The following CNTN4 variants were observed in gnomAD, a reference collection of about 807,000 sequenced individuals.
The protein encoded by CNTN4 is contactin 4, also known as contactin-4.
A neutral mutation model predicts 122.5 loss-of-function variants in CNTN4; 77 were observed. The ratio of observed to expected loss-of-function variants is 0.63; its 90% CI spans 0.52 to 0.76. The LOEUF is 0.76. CNTN4 is among the 30% of genes least tolerant of loss of function. The pLI is 0.00. For synonymous variants in CNTN4, 512 were observed against 447.0 expected (o/e 1.15, Z -1.83); for missense variants, 1,256 against 1,259.1 (o/e 1.00, Z 0.04).
chr3:3,038,410 G>A (rs926440700), intron 18 of CNTN4, among the ~76,000 whole-genome samples: 3 of 152,006 alleles, frequency 2.0e-5, no homozygotes, highest in Non-Finnish European at 2.9e-5. Context: ...GAAGCCATTC[G>A]CCCACCCCAG....
chr3:2,824,231 G>A (rs930878240), intron 7 of CNTN4, among the ~76,000 whole-genome samples: 11 of 151,864 alleles, frequency 7.2e-5, no homozygotes, highest in African/African-American at 2.4e-4. Flanking sequence ...GGAGGCCGAG[G>A]CAGGTGGATC....
chr3:2,255,757 A>C (rs1027596818), intron 2 of CNTN4, among the ~76,000 whole-genome samples: 4 of 152,206 alleles, frequency 2.6e-5, no homozygotes, highest in African/African-American at 9.6e-5. Flanking sequence ...AAAGACACTT[A>C]TGTACCAGAA....
chr3:2,677,293 A>G (rs971702588), intron 4 of CNTN4, among the ~76,000 whole-genome samples: 3 of 150,298 alleles, frequency 2.0e-5, no homozygotes, highest in Non-Finnish European at 4.4e-5. Context: ...AACACCAGAC[A>G]TCCAGTGAAT....
intron 12 of CNTN4, among the ~76,000 whole-genome samples, chr3:2,914,573 T>G (rs779269205): frequency 5.9e-5 from 9 of 152,328 alleles, no homozygotes; most frequent in Non-Finnish European, 1.2e-4. Context: ...TACAACTGCT[T>G]AAGACTGAGT....
At chr3:2,397,757 G>C (rs1020883240) in intron 3 of CNTN4, among the ~76,000 whole-genome samples, 8 of 152,254 alleles carry the variant, frequency 5.3e-5, no homozygotes, top group African/African-American at 1.9e-4. Context: ...CACTAACTTA[G>C]CCATTCTAAG....
At chr3:2,361,176 T>C (rs532491163) in intron 3 of CNTN4, among the ~76,000 whole-genome samples, 2 of 152,334 alleles carry the variant, frequency 1.3e-5, no homozygotes, top group African/African-American at 4.8e-5. Flanking sequence ...TAGCATTTTC[T>C]CTGTATCTCC....
intron 3 of CNTN4, among the ~76,000 whole-genome samples, chr3:2,451,720 G>T (rs1291989651): frequency 6.6e-6 from 1 of 152,082 alleles, no homozygotes; most frequent in African/African-American, 2.4e-5. Context: ...CGCTGATGAA[G>T]TAAGTATTCC....
intron 13 of CNTN4, among the ~76,000 whole-genome samples, chr3:2,976,783 C>A (rs1445262580): frequency 1.3e-5 from 2 of 152,050 alleles, no homozygotes; most frequent in Non-Finnish European, 2.9e-5. Flanking sequence ...AGTATGTAAG[C>A]TTGGGCAAAT....
intron 2 of CNTN4, among the ~76,000 whole-genome samples, chr3:2,170,069 C>G (rs1159013442): frequency 1.3e-5 from 2 of 151,960 alleles, no homozygotes; most frequent in Non-Finnish European, 2.9e-5. Flanking sequence ...CGCCTGTAAT[C>G]CCAGCACTTT....
chr3:2,635,774 C>T (rs914142564), intron 4 of CNTN4, among the ~76,000 whole-genome samples: 6 of 152,280 alleles, frequency 3.9e-5, no homozygotes, highest in African/African-American at 1.4e-4. Context: ...GAAACTGACC[C>T]TCCCAGTCTT....
chr3:2,400,404 A>AATATATATATATATATAT (rs36082705), intron 3 of CNTN4, among the ~76,000 whole-genome samples: 18 of 91,414 alleles, frequency 2.0e-4, no homozygotes, highest in African/African-American at 4.0e-4. Context: ...TATGTGTGTG[A>AATATATATATATATATAT]ATATATATAT....
chr3:2,947,637 T>C (rs2094693435), intron 13 of CNTN4, among the ~76,000 whole-genome samples: 1 of 152,244 alleles, frequency 6.6e-6, no homozygotes, highest in South Asian at 2.1e-4. Context: ...GTTTTTCTTT[T>C]TGTCTTCATT....
chr3:2,699,521 G>C (rs1029176408), intron 4 of CNTN4, among the ~76,000 whole-genome samples: 7 of 152,212 alleles, frequency 4.6e-5, no homozygotes, highest in African/African-American at 1.7e-4. Context: ...TTCTTTGGTT[G>C]ATTTCAGTAT....
At chr3:2,694,734 A>C (rs950337143) in intron 4 of CNTN4, among the ~76,000 whole-genome samples, 1 of 152,106 alleles carries the variant, frequency 6.6e-6, no homozygotes, top group Non-Finnish European at 1.5e-5. Context: ...GTCTCAAAAA[A>C]AGAAAGAAAG....
intron 3 of CNTN4, among the ~76,000 whole-genome samples, chr3:2,569,899 T>C (rs747726506): frequency 1.3e-5 from 2 of 152,142 alleles, no homozygotes; most frequent in Non-Finnish European, 2.9e-5. Context: ...ATTGCAATTA[T>C]ATGAAATTCT....
intron 2 of CNTN4, among the ~76,000 whole-genome samples, chr3:2,259,247 A>G (rs946270880): frequency 6.6e-6 from 1 of 152,214 alleles, no homozygotes; most frequent in Non-Finnish European, 1.5e-5. Context: ...CTAACCAATC[A>G]ACAAGGAGGA....
chr3:2,120,597 T>G (rs2033705937), intron 2 of CNTN4, among the ~76,000 whole-genome samples: 1 of 150,804 alleles, frequency 6.6e-6, no homozygotes, highest in Non-Finnish European at 1.5e-5. Context: ...GAGAGGAGGG[T>G]TCTCCATGTT....
chr3:2,236,502 G>A (rs1307754348), intron 2 of CNTN4, among the ~76,000 whole-genome samples: 1 of 152,128 alleles, frequency 6.6e-6, no homozygotes. Context: ...TCAATTCATT[G>A]AACTACATGT....
At chr3:2,838,680 A>G (rs1421739747) in intron 7 of CNTN4, among the ~76,000 whole-genome samples, 1 of 152,144 alleles carries the variant, frequency 6.6e-6, no homozygotes, top group Non-Finnish European at 1.5e-5. Flanking sequence ...CTCTTGAAGC[A>G]GACTAATGAT....
Sources: gnomAD v4.1 joint callset for allele counts (sites outside exome capture counted in the v4.1 genomes callset) on GRCh38, gnomAD v4.1.1 for gene constraint, MANE v1.5 for transcripts, NCBI Gene and HGNC (gene_info 2026-07-23, HGNC 2026-07-21) for gene names.